The following LHFPL3 variants were observed in gnomAD, a reference collection of about 807,000 sequenced individuals.
The protein encoded by LHFPL3 is LHFPL tetraspan subfamily member 3, also known as LHFPL tetraspan subfamily member 3 protein.
LHFPL3 carries 5 observed loss-of-function variants against 19.3 expected under a neutral mutation model. That is an observed-to-expected ratio of 0.26 (90% CI 0.14 to 0.54). The LOEUF (loss-of-function observed/expected upper bound fraction) is 0.54, where lower values mean the gene tolerates loss of function less well. LHFPL3 is among the 20% of genes least tolerant of loss of function. The probability of loss-of-function intolerance (pLI) is 0.94; values close to 1 mark genes in which losing one functional copy is unlikely to be tolerated. For synonymous variants in LHFPL3, 133 were observed against 126.2 expected (o/e 1.05, Z -0.36); for missense variants, 249 against 307.4 (o/e 0.81, Z 1.42).
chr7:104,515,359 A>T (rs1259484758), intron 1 of LHFPL3, among the ~76,000 whole-genome samples: 1 of 152,134 alleles, frequency 6.6e-6, no homozygotes, highest in Non-Finnish European at 1.5e-5. Context: ...ATTTGTTGTC[A>T]CTTTTTAGCT....
chr7:104,739,897 G>T (rs1793900646), intron 2 of LHFPL3, among the ~76,000 whole-genome samples: 1 of 152,174 alleles, frequency 6.6e-6, no homozygotes, highest in Non-Finnish European at 1.5e-5. Context: ...TAATCTTCCA[G>T]TTTTATGGTT....
intron 1 of LHFPL3, among the ~76,000 whole-genome samples, chr7:104,412,953 C>T (rs980802940): frequency 2.0e-5 from 3 of 152,184 alleles, no homozygotes; most frequent in Non-Finnish European, 1.5e-5. Context: ...TTGAACCAGT[C>T]ACCTGCCTTC....
At chr7:104,701,970 G>C (rs1389360835) in intron 1 of LHFPL3, among the ~76,000 whole-genome samples, 1 of 152,200 alleles carries the variant, frequency 6.6e-6, no homozygotes, top group South Asian at 2.1e-4. Flanking sequence ...CCATCAACCT[G>C]TCATCTACAT....
chr7:104,521,125 C>T (rs1471067163), intron 1 of LHFPL3, among the ~76,000 whole-genome samples: 2 of 152,096 alleles, frequency 1.3e-5, no homozygotes, highest in Non-Finnish European at 2.9e-5. Context: ...TTGAATGCAT[C>T]CCAGAGATTC....
chr7:104,900,161 T>G (rs1792455385), intron 2 of LHFPL3, among the ~76,000 whole-genome samples: 1 of 152,224 alleles, frequency 6.6e-6, no homozygotes, highest in African/African-American at 2.4e-5. Flanking sequence ...TGGAATGGCT[T>G]CATGCCAAAA....
At chr7:104,492,875 G>A (rs186922748) in intron 1 of LHFPL3, among the ~76,000 whole-genome samples, 48 of 152,080 alleles carry the variant, frequency 3.2e-4, no homozygotes, top group African/African-American at 8.9e-4. Flanking sequence ...CTCTTTGGGG[G>A]CCTTCCACCA....
At chr7:104,773,858 C>T in intron 2 of LHFPL3, among the ~76,000 whole-genome samples, 1 of 152,232 alleles carries the variant, frequency 6.6e-6, no homozygotes, top group East Asian at 1.9e-4. Flanking sequence ...TAAGGAGGAA[C>T]CAACCCTGCG....
At chr7:104,403,685 G>A (rs566042632) in intron 1 of LHFPL3, among the ~76,000 whole-genome samples, 7 of 152,072 alleles carry the variant, frequency 4.6e-5, no homozygotes, top group Non-Finnish European at 1.0e-4. Flanking sequence ...ATCTGGCTGG[G>A]AATCTCATCA....
intron 1 of LHFPL3, among the ~76,000 whole-genome samples, chr7:104,724,748 G>T (rs949639799): frequency 6.6e-6 from 1 of 151,660 alleles, no homozygotes. Context: ...ATGTACCCCT[G>T]AACTTAAAAT....
chr7:104,476,153 A>T (rs1793011626), intron 1 of LHFPL3, among the ~76,000 whole-genome samples: 1 of 152,208 alleles, frequency 6.6e-6, no homozygotes, highest in South Asian at 2.1e-4. Flanking sequence ...GGGCATACTC[A>T]AGCCTCTTTG....
Position 104,870,902 on chromosome 7 carries a change from T to C in LHFPL3, c.683-35285T>C, listed in dbSNP as rs117327114. ...AGGAAAGGATCTCAACTGTAACCTCTCATCCTCACCTAAGCAAGGCAGTGG... is the reference window on the plus strand; with the variant it reads ...AGGAAAGGATCTCAACTGTAACCTCCCATCCTCACCTAAGCAAGGCAGTGG... On this transcript the variant is annotated intron_variant, in intron 2 of 2. Transcript: ENST00000424859. 2.5e-3 allele frequency among the ~76,000 whole-genome samples: 381 copies of C among 152,254 alleles called. 1 individual carries two copies. The highest frequency in any genetic ancestry group is 3.5e-3 in the Non-Finnish European group (238 of 68,018).
intron 1 of LHFPL3, among the ~76,000 whole-genome samples, chr7:104,503,328 CTG>C (rs1181932268): frequency 1.3e-5 from 2 of 151,996 alleles, no homozygotes; most frequent in Admixed American, 1.3e-4. Flanking sequence ...GTGTATGTGT[CTG>C]TAAAAAATGA....
At chr7:104,785,001 G>A (rs1231416158) in intron 2 of LHFPL3, among the ~76,000 whole-genome samples, 1 of 152,202 alleles carries the variant, frequency 6.6e-6, no homozygotes, top group East Asian at 1.9e-4. Flanking sequence ...GCACAGCAAT[G>A]TGAATATAAT....
chr7:104,667,263 T>TTG (rs1554422209), intron 1 of LHFPL3, among the ~76,000 whole-genome samples: 4 of 130,706 alleles, frequency 3.1e-5, no homozygotes, highest in African/African-American at 9.2e-5. Context: ...ATCTGTTTTC[T>TTG]TGGGGGGGGG....
At chr7:104,486,987 T>C (rs1015382529) in intron 1 of LHFPL3, among the ~76,000 whole-genome samples, 12 of 152,224 alleles carry the variant, frequency 7.9e-5, no homozygotes, top group Non-Finnish European at 1.6e-4. Flanking sequence ...TATTTAAAAA[T>C]CATTTTGGAT....
chr7:104,834,000 A>G (rs1562808596), intron 2 of LHFPL3, among the ~76,000 whole-genome samples: 1 of 148,576 alleles, frequency 6.7e-6, no homozygotes, highest in Non-Finnish European at 1.5e-5. Context: ...TCAAAACTGA[A>G]GAATTTAGAG....
rs565272968 is a variant in LHFPL3 at position 104,826,241 on chromosome 7, A to G, written c.683-79946A>G. ...CAGCTCTCACCATGGCTTAGGTCCAAACTGTGCCACAGCCTCTCAAGAGAT... is the reference window on the plus strand; with the variant it reads ...CAGCTCTCACCATGGCTTAGGTCCAGACTGTGCCACAGCCTCTCAAGAGAT... On this transcript the variant is annotated intron_variant, in intron 2 of 2. Coordinates refer to ENST00000424859, the MANE Select transcript of LHFPL3 (RefSeq NM_199000.3). 192 of 152,880 alleles carry G rather than the reference A, an allele frequency of 1.3e-3. 1 individual carries two copies. The highest frequency in any genetic ancestry group is 3.9e-4 in the East Asian group (2 of 5,192). 9.5% of individuals were successfully genotyped at this position (152,880 alleles called of 1,614,324 possible). A position where few individuals can be genotyped will look rare whatever the true frequency, so the allele number is the denominator to read the frequency against.
chr7:104,375,448 A>G (rs1790695649), intron 1 of LHFPL3, among the ~76,000 whole-genome samples: 1 of 152,194 alleles, frequency 6.6e-6, no homozygotes, highest in Admixed American at 6.5e-5. Flanking sequence ...TGTAACATAA[A>G]ATCTGTTTGG....
At chr7:104,698,576 G>A (rs1335698293) in intron 1 of LHFPL3, among the ~76,000 whole-genome samples, 2 of 152,184 alleles carry the variant, frequency 1.3e-5, no homozygotes, top group Non-Finnish European at 2.9e-5. Context: ...GTATGATAAA[G>A]GAGTTGAAAA....
Sources: allele counts gnomAD v4.1 joint callset (sites outside exome capture counted in the v4.1 genomes callset), GRCh38; gene constraint gnomAD v4.1.1; transcripts MANE v1.5; gene names NCBI Gene and HGNC (gene_info 2026-07-23, HGNC 2026-07-21).